Variants in CDH4 observed in about 807,000 individuals in gnomAD.
CDH4 encodes cadherin-4.
A neutral mutation model predicts 86.0 loss-of-function variants in CDH4; 33 were observed. That is an observed-to-expected ratio of 0.38 (90% CI 0.29 to 0.51). CDH4 has a LOEUF of 0.51. CDH4 is among the 20% of genes least tolerant of loss of function. The probability of loss-of-function intolerance (pLI) is 0.86; values close to 1 mark genes in which losing one functional copy is unlikely to be tolerated. For missense variants in CDH4, 1,114 were observed against 1,307.4 expected, an observed-to-expected ratio of 0.85 and a Z score of 2.28; for synonymous variants, 555 against 549.4, an observed-to-expected ratio of 1.01 and a Z score of -0.14.
intron 2 of CDH4, among the ~76,000 whole-genome samples, chr20:61,398,418 G>A (rs757976672): frequency 9.9e-5 from 15 of 152,194 alleles, no homozygotes; most frequent in South Asian, 2.1e-4. Flanking sequence ...CAGAATCATC[G>A]GATGTGTATA....
At chr20:61,895,157 C>T in intron 8 of CDH4, 110 bp downstream of exon 8, 1 of 1,330,484 alleles carries the variant, frequency 7.5e-7, no homozygotes, top group Non-Finnish European at 1.0e-6. Flanking sequence ...GGGCACTTGG[C>T]AGATAGCGTG....
chr20:61,575,110 C>T (rs545928237), intron 2 of CDH4, among the ~76,000 whole-genome samples: 38 of 152,262 alleles, frequency 2.5e-4, no homozygotes, highest in Admixed American at 2.4e-3. Flanking sequence ...AAGCGGCCAA[C>T]ACAAAAAAGC....
intron 2 of CDH4, among the ~76,000 whole-genome samples, chr20:61,522,491 A>G (rs964822102): frequency 6.6e-6 from 1 of 152,248 alleles, no homozygotes; most frequent in African/African-American, 2.4e-5. Context: ...TCACATTACA[A>G]TGTTTCCATC....
At position 61,501,213 on chromosome 20, in the gene CDH4, C is replaced by T. The variant is rs1379559700; in HGVS notation, c.170-242350C>T. On this transcript the variant is annotated intron_variant, in intron 2 of 15. Coordinates refer to ENST00000614565, the MANE Select transcript of CDH4 (RefSeq NM_001794.5). This position sits in a 1 kb window ranked among gnomAD's most constrained non-coding sequence, Gnocchi z 4.2. ...AGGTGGCGCTGCCATCCGCCATCTC[C>T]AGTCTCCTTATCTGATGTTTAGAGC... Among the ~76,000 whole-genome samples, 1 of 152,238 alleles carries T rather than the reference C, an allele frequency of 6.6e-6. No individual in the cohort carries two copies. Among genetic ancestry groups the T allele is most frequent in the Non-Finnish European group, 1.5e-5 (1 of 68,044 alleles).
Position 61,582,255 on chromosome 20 carries a change from G to A in CDH4, c.170-161308G>A, listed in dbSNP as rs886994971. On this transcript the variant is annotated intron_variant, in intron 2 of 15. Transcript: ENST00000614565. This position sits in a 1 kb window ranked among gnomAD's most constrained non-coding sequence, Gnocchi z 4.2. ...CACCTCCAATCACAGAGGCACACGC[G>A]GCTTTGCCCTTGATTTTTGAGATGT... Among the ~76,000 whole-genome samples, 3 of 152,228 alleles carry A rather than the reference G, an allele frequency of 2.0e-5. No homozygotes were observed. The highest frequency in any genetic ancestry group is 4.4e-5 in the Non-Finnish European group (3 of 68,046).
intron 2 of CDH4, among the ~76,000 whole-genome samples, chr20:61,350,970 G>A (rs777769860): frequency 1.3e-5 from 2 of 152,132 alleles, no homozygotes; most frequent in Non-Finnish European, 2.9e-5. Flanking sequence ...TCTGAAGCAG[G>A]AACCAGGCAT....
chr20:61,312,334 T>C (rs754245685), intron 2 of CDH4, among the ~76,000 whole-genome samples: 2 of 151,584 alleles, frequency 1.3e-5, no homozygotes, highest in Non-Finnish European at 2.9e-5. Flanking sequence ...GGTGTGTGTG[T>C]ATATGTGTGC....
chr20:61,648,555 A>C (rs112752155), intron 2 of CDH4, among the ~76,000 whole-genome samples: 8 of 152,310 alleles, frequency 5.3e-5, no homozygotes, highest in Admixed American at 2.0e-4. Context: ...AGTGAATGCT[A>C]TGATGAGCTT....
At chr20:61,552,778 A>T (rs770575542) in intron 2 of CDH4, among the ~76,000 whole-genome samples, 8 of 152,190 alleles carry the variant, frequency 5.3e-5, no homozygotes, top group Non-Finnish European at 1.0e-4. Context: ...AATTAAAAAG[A>T]CAATAACAAG....
chr20:61,625,469 C>T (rs542505821), intron 2 of CDH4, among the ~76,000 whole-genome samples: 2 of 152,056 alleles, frequency 1.3e-5, no homozygotes, highest in East Asian at 1.9e-4. Flanking sequence ...TTCCAAAGAG[C>T]GCATGTGGGA....
At chr20:61,508,721 G>A (rs1167631568) in intron 2 of CDH4, among the ~76,000 whole-genome samples, 17 of 152,242 alleles carry the variant, frequency 1.1e-4, no homozygotes, top group Admixed American at 1.1e-3. Context: ...TGGAATGCCT[G>A]GCTCAGCCTG....
intron 2 of CDH4, among the ~76,000 whole-genome samples, chr20:61,668,197 G>A (rs529747137): frequency 1.3e-5 from 2 of 152,316 alleles, no homozygotes; most frequent in East Asian, 1.9e-4. Context: ...TGCTGTGTGC[G>A]CCCATGTGTT....
At chr20:61,657,149 C>T (rs982016550) in intron 2 of CDH4, among the ~76,000 whole-genome samples, 30 of 152,230 alleles carry the variant, frequency 2.0e-4, no homozygotes, top group African/African-American at 7.0e-4. Flanking sequence ...GGGATCATCC[C>T]TCCCACCCAG....
In CDH4 at chr20:61,807,970, G is replaced by C. The variant is rs1980228976; in HGVS notation, c.576+34788G>C. On this transcript the variant is annotated intron_variant, in intron 4 of 15. Transcript: ENST00000614565. The surrounding 1 kb of genome is among the most constrained non-coding windows in gnomAD (Gnocchi z 4.5). ...TGCCGCCTCAGGGCAAGCTGCCATA[G>C]CAGCGATGAGCCCACACACGTCTCC... is the stretch of plus-strand genomic sequence containing the variant. 6.6e-6 allele frequency among the ~76,000 whole-genome samples: 1 copy of C among 152,216 alleles called. No homozygotes were observed. The highest frequency in any genetic ancestry group is 1.9e-4 in the East Asian group (1 of 5,186).
intron 4 of CDH4, among the ~76,000 whole-genome samples, chr20:61,831,723 G>A (rs1195473494): frequency 1.3e-5 from 2 of 152,236 alleles, no homozygotes; most frequent in African/African-American, 4.8e-5. Flanking sequence ...CCTGGGCGGG[G>A]TGGGGGGACA....
At chr20:61,666,984 C>T (rs553546418) in intron 2 of CDH4, among the ~76,000 whole-genome samples, 3 of 152,378 alleles carry the variant, frequency 2.0e-5, no homozygotes, top group African/African-American at 7.2e-5. Context: ...TCTGTATGTC[C>T]AGACGACTGC....
chr20:61,400,910 G>A (rs1007811978), intron 2 of CDH4, among the ~76,000 whole-genome samples: 4 of 152,130 alleles, frequency 2.6e-5, no homozygotes, highest in South Asian at 2.1e-4. Context: ...CTAAGTTGAC[G>A]TCCCTTTGCC....
At chr20:61,888,008 G>C (rs1984624289) in intron 7 of CDH4, among the ~76,000 whole-genome samples, 2 of 152,226 alleles carry the variant, frequency 1.3e-5, no homozygotes, top group Non-Finnish European at 2.9e-5. Context: ...TTCCAAATCT[G>C]TCCTGGGAGG....
At chr20:61,923,807 G>C in intron 10 of CDH4, 103 bp downstream of exon 10, 1 of 1,436,804 alleles carries the variant, frequency 7.0e-7, no homozygotes, top group East Asian at 2.4e-5. Flanking sequence ...AATTCCCCCA[G>C]ATGGGTGGTC....
Sources: allele counts gnomAD v4.1 joint callset (sites outside exome capture counted in the v4.1 genomes callset), GRCh38; gene constraint gnomAD v4.1.1; non-coding constraint Gnocchi (gnomAD v3.1); transcripts MANE v1.5; gene names NCBI Gene and HGNC (gene_info 2026-07-23, HGNC 2026-07-21).